The following PTPRD variants were observed in gnomAD, a reference collection of about 807,000 sequenced individuals.
PTPRD encodes protein tyrosine phosphatase receptor type D, also known as receptor-type tyrosine-protein phosphatase delta.
A neutral mutation model predicts 214.5 loss-of-function variants in PTPRD; 34 were observed. The ratio of observed to expected loss-of-function variants is 0.16; its 90% CI spans 0.12 to 0.21. The LOEUF is 0.21. PTPRD is among the 10% of genes least tolerant of loss of function. PTPRD has a pLI of 1.00. For synonymous variants in PTPRD, 1,128 were observed against 845.7 expected, an observed-to-expected ratio of 1.33 and a Z score of -5.79; for missense variants, 2,545 against 2,398.7, an observed-to-expected ratio of 1.06 and a Z score of -1.27.
At chr9:10,048,730 T>A (rs1292419909) in intron 3 of PTPRD, among the ~76,000 whole-genome samples, 1 of 152,044 alleles carries the variant, frequency 6.6e-6, no homozygotes. Flanking sequence ...TAGCTCCTTA[T>A]CAACCCAGAA....
At chr9:9,304,876 A>G (rs1247893800) in intron 9 of PTPRD, among the ~76,000 whole-genome samples, 3 of 149,548 alleles carry the variant, frequency 2.0e-5, no homozygotes, top group East Asian at 3.9e-4. Flanking sequence ...CCTTCTCAAT[A>G]ATCTCTCCAT....
At chr9:8,709,076 T>C (rs1246605932) in intron 12 of PTPRD, among the ~76,000 whole-genome samples, 4 of 151,722 alleles carry the variant, frequency 2.6e-5, no homozygotes, top group Non-Finnish European at 5.9e-5. Context: ...AGTGGAATAG[T>C]GGCTATCAGA....
intron 2 of PTPRD, among the ~76,000 whole-genome samples, chr9:10,494,707 G>T (rs2041505286): frequency 6.7e-6 from 1 of 150,316 alleles, no homozygotes; most frequent in African/African-American, 2.4e-5. Context: ...CGGTATAAAT[G>T]TAAGATGTTA....
intron 4 of PTPRD, among the ~76,000 whole-genome samples, chr9:9,953,497 C>G (rs1348134490): frequency 8.7e-6 from 1 of 115,452 alleles, no homozygotes; most frequent in Admixed American, 1.0e-4. Flanking sequence ...ATTGTGGACA[C>G]ACACACACAC....
intron 9 of PTPRD, among the ~76,000 whole-genome samples, chr9:9,275,790 G>C (rs571171603): frequency 2.6e-5 from 4 of 151,080 alleles, no homozygotes; most frequent in South Asian, 4.2e-4. Context: ...TTTAGAACAA[G>C]TTGCTTCTGA....
chr9:9,633,983 G>C (rs1480525236), intron 7 of PTPRD, among the ~76,000 whole-genome samples: 2 of 152,102 alleles, frequency 1.3e-5, no homozygotes, highest in African/African-American at 4.8e-5. Flanking sequence ...TCAAGGGTGG[G>C]AGAAAAACAT....
intron 4 of PTPRD, among the ~76,000 whole-genome samples, chr9:10,024,826 T>C (rs1454915841): frequency 7.7e-6 from 1 of 130,458 alleles, no homozygotes; most frequent in Non-Finnish European, 1.6e-5. Flanking sequence ...TTCCCCTTCC[T>C]GTGTCCATGT....
In PTPRD at chr9:9,301,706, A is replaced by C. The variant is rs1007427335; in HGVS notation, c.-203+95743T>G. Among the ~76,000 whole-genome samples, 8 of 151,900 alleles carry C rather than the reference A, an allele frequency of 5.3e-5. No homozygotes were observed. In the East Asian group the frequency reaches 1.5e-3, roughly 29 times the overall value. ...AGAAATAGGGATTACTATGGACAGA[A>C]CTTTCATCTGGCTATAAAATTGTAT... On this transcript the variant is annotated intron_variant, in intron 9 of 45. Transcript: ENST00000381196.
chr9:9,003,672 A>G (rs1052828350), intron 11 of PTPRD, among the ~76,000 whole-genome samples: 11 of 152,036 alleles, frequency 7.2e-5, no homozygotes, highest in African/African-American at 2.7e-4. Context: ...CTGGGCTTTG[A>G]TATCATTAGC....
chr9:9,386,916 G>A (rs758012479), intron 9 of PTPRD, among the ~76,000 whole-genome samples: 3 of 152,130 alleles, frequency 2.0e-5, no homozygotes, highest in Admixed American at 6.5e-5. Flanking sequence ...CTTATCTAAA[G>A]GGAGAAATGA....
At chr9:10,219,263 A>G (rs888932586) in intron 3 of PTPRD, among the ~76,000 whole-genome samples, 1 of 151,908 alleles carries the variant, frequency 6.6e-6, no homozygotes, top group African/African-American at 2.4e-5. Flanking sequence ...TGAAGGAAAG[A>G]GGTATTTCAA....
intron 7 of PTPRD, among the ~76,000 whole-genome samples, chr9:9,658,273 G>A (rs2154378013): frequency 6.6e-6 from 1 of 152,168 alleles, no homozygotes; most frequent in African/African-American, 2.4e-5. Flanking sequence ...GATATACTAG[G>A]TTGTTTTTGG....
intron 3 of PTPRD, among the ~76,000 whole-genome samples, chr9:10,167,157 A>C (rs1276394301): frequency 6.6e-6 from 1 of 151,766 alleles, no homozygotes; most frequent in Non-Finnish European, 1.5e-5. Flanking sequence ...AGGCTAACAG[A>C]AGCTTATGGA....
intron 5 of PTPRD, among the ~76,000 whole-genome samples, chr9:9,797,252 T>G (rs999120477): frequency 1.4e-4 from 21 of 150,336 alleles, no homozygotes; most frequent in Non-Finnish European, 1.3e-4. Flanking sequence ...AGTTTTTTTT[T>G]TTTTTTTTTT....
chr9:9,618,713 G>C (rs541292272), intron 7 of PTPRD, among the ~76,000 whole-genome samples: 1 of 152,208 alleles, frequency 6.6e-6, no homozygotes, highest in South Asian at 2.1e-4. Flanking sequence ...ATATCAAGTA[G>C]GTATTAAATA....
chr9:10,287,314 G>A (rs1371580715), intron 3 of PTPRD, among the ~76,000 whole-genome samples: 1 of 152,072 alleles, frequency 6.6e-6, no homozygotes, highest in Non-Finnish European at 1.5e-5. Context: ...GGGTGAGTAG[G>A]GCCAAACCGG....
At chr9:9,994,551 T>C (rs908201867) in intron 4 of PTPRD, among the ~76,000 whole-genome samples, 7 of 151,998 alleles carry the variant, frequency 4.6e-5, no homozygotes, top group African/African-American at 7.2e-5. Flanking sequence ...CACAATCTGT[T>C]AAAGGACAAA....
chr9:8,658,878 T>C (rs2096969790), intron 12 of PTPRD, among the ~76,000 whole-genome samples: 1 of 152,100 alleles, frequency 6.6e-6, no homozygotes, highest in South Asian at 2.1e-4. Flanking sequence ...CATAAATAAA[T>C]ACAATTGCAA....
intron 35 of PTPRD, among the ~76,000 whole-genome samples, chr9:8,409,102 T>C (rs1000866714): frequency 6.6e-6 from 1 of 152,208 alleles, no homozygotes; most frequent in African/African-American, 2.4e-5. Flanking sequence ...AAAATATAAA[T>C]ATATCCAATA....
Sources: gnomAD v4.1 joint callset for allele counts (sites outside exome capture counted in the v4.1 genomes callset) on GRCh38, gnomAD v4.1.1 for gene constraint, MANE v1.5 for transcripts, NCBI Gene and HGNC (gene_info 2026-07-23, HGNC 2026-07-21) for gene names.